Variants in ATP6V1C1 observed in about 807,000 individuals in gnomAD.
ATP6V1C1 encodes the protein ATPase H+ transporting V1 subunit C1, also known as V-type proton ATPase subunit C 1.
In ATP6V1C1, 45 loss-of-function variants were observed where a neutral mutation model predicts 53.9. That is an observed-to-expected ratio of 0.83 (90% CI 0.66 to 1.07). ATP6V1C1 has a LOEUF of 1.07. Ranked by LOEUF, ATP6V1C1 falls within the 50% of genes least tolerant of loss-of-function variation. The pLI is 0.00. For synonymous variants in ATP6V1C1, 153 were observed against 155.2 expected (o/e 0.99, Z 0.11); for missense variants, 315 against 440.3 (o/e 0.72, Z 2.55).
chr8:103,039,930 C>T (rs908976424), intron 1 of ATP6V1C1, among the ~76,000 whole-genome samples: 4 of 151,204 alleles, frequency 2.6e-5, no homozygotes, highest in Non-Finnish European at 4.4e-5. Flanking sequence ...TGTAAATGTT[C>T]GATGGCAACT....
chr8:103,036,192 A>G (rs1816896114), intron 1 of ATP6V1C1, among the ~76,000 whole-genome samples: 1 of 152,166 alleles, frequency 6.6e-6, no homozygotes, highest in Non-Finnish European at 1.5e-5. Context: ...AACACAACTA[A>G]ATTTGAACCC....
intron 8 of ATP6V1C1, among the ~76,000 whole-genome samples, chr8:103,061,930 A>T (rs1013135452): frequency 6.6e-6 from 1 of 152,166 alleles, no homozygotes; most frequent in Non-Finnish European, 1.5e-5. Flanking sequence ...ATCACAAGCG[A>T]TACCATTCAC....
Position 103,066,464 on chromosome 8 carries a change from C to T in ATP6V1C1, c.1053+17C>T. On this transcript the variant is annotated intron_variant, in intron 12 of 12. Transcript: ENST00000518738. ...ATTATTGATGTAAGTACTTATTAGC[C>T]CAGTAGAGTAAGAATTGAAGTGAAT... is the stretch of plus-strand genomic sequence containing the variant. 1 of 1,526,924 alleles carries T rather than the reference C, an allele frequency of 6.5e-7. No individual in the cohort carries two copies. Among genetic ancestry groups the T allele is most frequent in the Non-Finnish European group, 8.8e-7 (1 of 1,140,850 alleles). 94.6% of individuals were successfully genotyped at this position (1,526,924 alleles called of 1,614,324 possible).
Position 103,066,454 on chromosome 8 carries a change from A to G in ATP6V1C1, c.1053+7A>G. 6.3e-7 allele frequency: 1 copy of G among 1,584,048 alleles called. No individual in the cohort carries two copies. The highest frequency in any genetic ancestry group is 8.5e-7 in the Non-Finnish European group (1 of 1,170,204). ...TGCAGCAGCTATTATTGATGTAAGT[A>G]CTTATTAGCCCAGTAGAGTAAGAAT... On this transcript the variant is annotated splice_region_variant and intron_variant, in intron 12 of 12. Transcript: ENST00000518738.
chr8:103,056,148 G>A (rs1033509690), intron 8 of ATP6V1C1, among the ~76,000 whole-genome samples: 4 of 152,148 alleles, frequency 2.6e-5, no homozygotes, highest in African/African-American at 9.7e-5. Flanking sequence ...GAAGTTTGAG[G>A]CCAGTGAGGT....
chr8:103,050,140 T>C (rs1817175306), intron 4 of ATP6V1C1, among the ~76,000 whole-genome samples: 1 of 152,258 alleles, frequency 6.6e-6, no homozygotes, highest in Admixed American at 6.5e-5. Flanking sequence ...TTATTCTTGC[T>C]CTTTGTTATC....
At position 103,064,761 on chromosome 8, in the gene ATP6V1C1, T is replaced by A; in HGVS notation, c.876T>A (p.Ile292=). The change falls in exon 11 of 13, where the codon ATT becomes ATA. Residue 292 remains isoleucine, a synonymous_variant. Coordinates refer to ENST00000518738, the MANE Select transcript of ATP6V1C1 (RefSeq NM_001695.5). ...WLKVNFSEAF[I]AWIHVKALRV... ...AAGTGAATTTTAGTGAAGCATTTAT[T>A]GCATGGATTCACGTGAAAGCATTAC... 6.2e-7 allele frequency: 1 copy of A among 1,613,620 alleles called. No individual in the cohort carries two copies. The highest frequency in any genetic ancestry group is 1.1e-5 in the South Asian group (1 of 90,970).
At chr8:103,045,005 C>G (rs1332769854) in intron 3 of ATP6V1C1, among the ~76,000 whole-genome samples, 4 of 152,086 alleles carry the variant, frequency 2.6e-5, no homozygotes, top group African/African-American at 9.7e-5. Flanking sequence ...TCTTTGATAA[C>G]TGCATTTTGA....
At chr8:103,044,443 G>A (rs1156846952) in intron 3 of ATP6V1C1, among the ~76,000 whole-genome samples, 1 of 152,074 alleles carries the variant, frequency 6.6e-6, no homozygotes, top group Non-Finnish European at 1.5e-5. Flanking sequence ...GATTCTTTTG[G>A]ATGTGAATAT....
chr8:103,041,439 C>T (rs1816999009), intron 2 of ATP6V1C1, among the ~76,000 whole-genome samples: 1 of 152,136 alleles, frequency 6.6e-6, no homozygotes, highest in Admixed American at 6.5e-5. Flanking sequence ...AGTCATCTAG[C>T]AGCCTCAAAG....
rs1413354106 is a variant in ATP6V1C1, at chr8:103,063,028, C to A, written c.715C>A (p.His239Asn). 6.2e-7 allele frequency: 1 copy of A among 1,613,578 alleles called. No homozygotes were observed. Among genetic ancestry groups the A allele is most frequent in the Non-Finnish European group, 8.5e-7 (1 of 1,179,878 alleles). ...TAGGAAGGCAGTTGATGACTTCAGA[C>A]ACAAAGCCAGAGAAAACAAGTAAGA... is the stretch of plus-strand genomic sequence containing the variant. The part of the protein sequence containing the change: ...LFRKAVDDFR[H>N]KARENKFIVR... Residue 239 changes from histidine to asparagine, a missense_variant, in exon 9 of 13, where the codon CAC becomes AAC. Physicochemically the swap from His to Asn is moderately conservative, Grantham distance 68. Transcript: ENST00000518738.
At chr8:103,037,834 A>G (rs1816924858) in intron 1 of ATP6V1C1, among the ~76,000 whole-genome samples, 1 of 152,216 alleles carries the variant, frequency 6.6e-6, no homozygotes. Flanking sequence ...AATCTTACCT[A>G]CAAAACTAAA....
rs147772911 is a variant in ATP6V1C1, at chr8:103,046,711, A to AGAT, written c.201-2155_201-2153dup. On this transcript the variant is annotated intron_variant, in intron 3 of 12. Transcript: ENST00000518738. ...GTTGTTAGACTTTGGTAGTATTGAC[A>AGAT]GATGATAGCTTAATGACTTAAATGC... Among the ~76,000 whole-genome samples the AGAT allele has an allele frequency of 4.0e-3, 615 of 152,346 alleles. 4 individuals carry two copies. Among genetic ancestry groups the AGAT allele is most frequent in the African/African-American group, 0.014 (585 of 41,576 alleles).
At chr8:103,025,766 G>A (rs1169821902) in intron 1 of ATP6V1C1, among the ~76,000 whole-genome samples, 1 of 152,224 alleles carries the variant, frequency 6.6e-6, no homozygotes, top group South Asian at 2.1e-4. Context: ...TTTAGTAGAT[G>A]CAAGTGCTTA....
Position 103,049,652 on chromosome 8 carries a change from A to G in ATP6V1C1, c.286+697A>G, listed in dbSNP as rs1281491725. On this transcript the variant is annotated intron_variant, in intron 4 of 12. Transcript: ENST00000518738. Reference sequence around the variant, plus strand: ...TGATACGTTTTTATAACAGGAAATAATGAGCTGGGCATGGTGGCTCATGCC... The same window carrying G: ...TGATACGTTTTTATAACAGGAAATAGTGAGCTGGGCATGGTGGCTCATGCC... Among the ~76,000 whole-genome samples the G allele has an allele frequency of 2.6e-5, 4 of 152,278 alleles. No individual in the cohort carries two copies. The East Asian group carries it at 7.7e-4, about 29-fold the overall frequency.
rs141644278 is a variant in ATP6V1C1, at chr8:103,027,599, A to G, written c.-40+6374A>G. Among the ~76,000 whole-genome samples, 18 of 151,856 alleles carry G rather than the reference A, an allele frequency of 1.2e-4. No individual in the cohort carries two copies. In the East Asian group the frequency reaches 1.7e-3, roughly 15 times the overall value. On this transcript the variant is annotated intron_variant, in intron 1 of 12. Transcript: ENST00000518738. ...GCCTTCAAACTCTCAGAAGTGGGAG[A>G]TAAAGTAAATAAAATTAACAGTCCC...
chr8:103,046,880 T>C (rs1178966907), intron 3 of ATP6V1C1, among the ~76,000 whole-genome samples: 1 of 152,214 alleles, frequency 6.6e-6, no homozygotes, highest in Non-Finnish European at 1.5e-5. Flanking sequence ...TAAATAGGCA[T>C]ACGGAGATCT....
At chr8:103,060,383 A>G (rs1158582237) in intron 8 of ATP6V1C1, among the ~76,000 whole-genome samples, 5 of 152,072 alleles carry the variant, frequency 3.3e-5, no homozygotes, top group African/African-American at 9.7e-5. Flanking sequence ...CTTTCTTTCA[A>G]ACTTCCACCT....
At chr8:103,041,759 CTACT>C (rs1817005017) in intron 2 of ATP6V1C1, among the ~76,000 whole-genome samples, 1 of 152,022 alleles carries the variant, frequency 6.6e-6, no homozygotes, top group Admixed American at 6.5e-5. Context: ...GTAATCCCAG[CTACT>C]TGGGAGGCTG....
Sources: allele counts gnomAD v4.1 joint callset (sites outside exome capture counted in the v4.1 genomes callset), GRCh38; gene constraint gnomAD v4.1.1; transcripts MANE v1.5; gene names NCBI Gene and HGNC (gene_info 2026-07-23, HGNC 2026-07-21).